MKLN1: variants seen among roughly 807,000 people sequenced by gnomAD.
MKLN1 encodes the protein muskelin.
In MKLN1, 18 loss-of-function variants were observed where a neutral mutation model predicts 99.0. The observed-to-expected ratio is 0.18, with a 90% CI of 0.13 to 0.27. The LOEUF (loss-of-function observed/expected upper bound fraction) is 0.27, where lower values mean the gene tolerates loss of function less well. Among genes scored for constraint, MKLN1 ranks in the 10% least tolerant of loss-of-function variants. The probability of loss-of-function intolerance (pLI) is 1.00; values close to 1 mark genes in which losing one functional copy is unlikely to be tolerated. For synonymous variants in MKLN1, 288 were observed against 293.2 expected (o/e 0.98, Z 0.18); for missense variants, 621 against 875.9 (o/e 0.71, Z 3.67).
intron 3 of MKLN1, among the ~76,000 whole-genome samples, chr7:131,251,834 A>G (rs760643229): frequency 6.6e-6 from 1 of 151,792 alleles, no homozygotes; most frequent in East Asian, 1.9e-4. Context: ...CATGCCCAAG[A>G]AATTCTTGTA....
chr7:131,322,094 G>A (rs1406711601), intron 3 of MKLN1, among the ~76,000 whole-genome samples: 1 of 152,254 alleles, frequency 6.6e-6, no homozygotes, highest in Non-Finnish European at 1.5e-5. Flanking sequence ...CTACAGTGGT[G>A]AAAGCACCAA....
chr7:131,261,247 CG>C (rs1420938597), intron 3 of MKLN1, among the ~76,000 whole-genome samples: 6 of 152,058 alleles, frequency 3.9e-5, no homozygotes, highest in Non-Finnish European at 8.8e-5. Flanking sequence ...ACTATGCATC[CG>C]GCAAAGGTCT....
chr7:131,416,642 G>A (rs1795024223), intron 8 of MKLN1, among the ~76,000 whole-genome samples: 1 of 151,380 alleles, frequency 6.6e-6, no homozygotes, highest in African/African-American at 2.4e-5. Context: ...TAGGATTTCA[G>A]CAAAGTCTTG....
chr7:131,223,024 G>A (rs78706986), intron 3 of MKLN1, among the ~76,000 whole-genome samples: 8,070 of 152,176 alleles, frequency 0.053, 275 homozygotes, highest in Middle Eastern at 0.088. Context: ...GACAGAGCAA[G>A]ACTCTGTCTC....
intron 3 of MKLN1, among the ~76,000 whole-genome samples, chr7:131,276,778 A>G (rs1054520397): frequency 5.3e-5 from 8 of 152,310 alleles, no homozygotes; most frequent in Non-Finnish European, 1.2e-4. Flanking sequence ...TTCCTGATGG[A>G]TATGCCACTA....
rs1024791390 is a variant in MKLN1, at chr7:131,199,813, C to G, written c.-296-3044C>G. On this transcript the variant is annotated intron_variant, in intron 2 of 7. Coordinates refer to the MKLN1 transcript ENST00000416992. ...GGTTCAAGTGATTCTCGTGTCTCAG[C>G]CTCCCAAGTAGCTGGGACTACAGGT... is the stretch of plus-strand genomic sequence containing the variant. 5.3e-5 allele frequency among the ~76,000 whole-genome samples: 8 copies of G among 152,136 alleles called. No homozygotes were observed. In the East Asian group the frequency reaches 1.5e-3, roughly 29 times the overall value.
intron 5 of MKLN1, among the ~76,000 whole-genome samples, chr7:131,398,197 A>G (rs998817969): frequency 6.6e-6 from 1 of 152,136 alleles, no homozygotes; most frequent in Non-Finnish European, 1.5e-5. Flanking sequence ...ATAGTGGTAT[A>G]CTTAGGAAGT....
At position 131,464,101 on chromosome 7, in the gene MKLN1, A is replaced by C. The variant is rs754674341; in HGVS notation, c.1674-193A>C. 1.4e-4 allele frequency among the ~76,000 whole-genome samples: 22 copies of C among 152,326 alleles called. No homozygotes were observed. The South Asian group carries it at 1.7e-3, about 11-fold the overall frequency. On this transcript the variant is annotated intron_variant, in intron 13 of 17. Transcript: ENST00000352689. ...GTAGGATATGTGAGCTATTTACTGG[A>C]CATCAAAAGAACTTTAGAACTCAGT... is the stretch of plus-strand genomic sequence containing the variant.
At chr7:131,177,337 G>A (rs1036080268) in intron 2 of MKLN1, among the ~76,000 whole-genome samples, 6 of 151,722 alleles carry the variant, frequency 4.0e-5, no homozygotes, top group East Asian at 1.9e-4. Flanking sequence ...ACGTGGTGGC[G>A]CGTGCCTGTA....
At chr7:131,339,474 G>A (rs1280833512) in intron 1 of MKLN1, among the ~76,000 whole-genome samples, 2 of 152,160 alleles carry the variant, frequency 1.3e-5, no homozygotes, top group Non-Finnish European at 1.5e-5. Context: ...GGAGGCCGAG[G>A]TGGGTGGATC....
At chr7:131,275,924 A>G (rs1337162580) in intron 3 of MKLN1, among the ~76,000 whole-genome samples, 1 of 152,110 alleles carries the variant, frequency 6.6e-6, no homozygotes, top group Non-Finnish European at 1.5e-5. Context: ...AGGCCTTCCC[A>G]TGCTGGGATA....
At chr7:131,333,433 T>A (rs558219058) in intron 1 of MKLN1, among the ~76,000 whole-genome samples, 20 of 152,258 alleles carry the variant, frequency 1.3e-4, no homozygotes, top group Non-Finnish European at 2.8e-4. Flanking sequence ...TTTGTTTAAT[T>A]GGTCCCGTGT....
intron 2 of MKLN1, among the ~76,000 whole-genome samples, chr7:131,186,842 G>A (rs1796458623): frequency 6.6e-6 from 1 of 152,198 alleles, no homozygotes; most frequent in African/African-American, 2.4e-5. Flanking sequence ...GATTGAGTGT[G>A]CGGGCTGAAG....
In MKLN1 at chr7:131,195,433, C is replaced by T. The variant is rs188758121; in HGVS notation, c.-296-7424C>T. 4.9e-4 allele frequency among the ~76,000 whole-genome samples: 74 copies of T among 151,722 alleles called. No individual in the cohort carries two copies. In the Middle Eastern group the frequency reaches 0.017, roughly 36 times the overall value. ...GGCTGAGGCAGGAGAATCGCTTGAACCTGGGAGGTGGAGGTTGCAACGAGC... is the reference window on the plus strand; with the variant it reads ...GGCTGAGGCAGGAGAATCGCTTGAATCTGGGAGGTGGAGGTTGCAACGAGC... On this transcript the variant is annotated intron_variant, in intron 2 of 7. Coordinates refer to the MKLN1 transcript ENST00000416992.
intron 6 of MKLN1, among the ~76,000 whole-genome samples, chr7:131,405,959 C>A (rs935876273): frequency 6.6e-6 from 1 of 152,028 alleles, no homozygotes; most frequent in African/African-American, 2.4e-5. Context: ...TTGCACAAAT[C>A]TTTATCAATA....
Position 131,491,879 on chromosome 7 carries a change from A to G in MKLN1, c.*4151A>G, listed in dbSNP as rs1278285574. 2 of 152,564 alleles carry G rather than the reference A, an allele frequency of 1.3e-5. No individual in the cohort carries two copies. Among genetic ancestry groups the G allele is most frequent in the Non-Finnish European group, 1.5e-5 (1 of 68,022 alleles). 9.5% of individuals were successfully genotyped at this position (152,564 alleles called of 1,614,324 possible). On this transcript the variant is annotated 3_prime_UTR_variant, in exon 18 of 18. Coordinates refer to ENST00000352689, the MANE Select transcript of MKLN1 (RefSeq NM_013255.5). Reference sequence around the variant, plus strand: ...ACTTTTTTTTAGCCCTAGACTTCCTAGATTTTCTGTGGCATTCTGTAGGAC... The same window carrying G: ...ACTTTTTTTTAGCCCTAGACTTCCTGGATTTTCTGTGGCATTCTGTAGGAC...
chr7:131,440,034 A>T (rs1423026313), intron 10 of MKLN1, among the ~76,000 whole-genome samples: 1 of 152,190 alleles, frequency 6.6e-6, no homozygotes, highest in African/African-American at 2.4e-5. Flanking sequence ...CCACAACAGT[A>T]TAATAGGGAG....
chr7:131,464,075 AG>A (rs1796592158), intron 13 of MKLN1, among the ~76,000 whole-genome samples: 1 of 152,214 alleles, frequency 6.6e-6, no homozygotes, highest in African/African-American at 2.4e-5. Context: ...CATAACAAAA[AG>A]TAGGATATGT....
intron 1 of MKLN1, among the ~76,000 whole-genome samples, chr7:131,356,106 A>G (rs1395583097): frequency 1.4e-5 from 2 of 144,930 alleles, no homozygotes; most frequent in Non-Finnish European, 1.5e-5. Flanking sequence ...AAAGGAAAGG[A>G]GCAAAGTACA....
Sources: gnomAD v4.1 joint callset for allele counts (sites outside exome capture counted in the v4.1 genomes callset) on GRCh38, gnomAD v4.1.1 for gene constraint, MANE v1.5 for transcripts, NCBI Gene and HGNC (gene_info 2026-07-23, HGNC 2026-07-21) for gene names.